The following ZBED4 variants were observed in gnomAD, a reference collection of about 807,000 sequenced individuals.
The protein encoded by ZBED4 is zinc finger BED domain-containing protein 4.
A neutral mutation model predicts 15.5 loss-of-function variants in ZBED4; 4 were observed. The ratio of observed to expected loss-of-function variants is 0.26; its 90% CI spans 0.13 to 0.59. The LOEUF is 0.59. ZBED4 is among the 20% of genes least tolerant of loss of function. The pLI is 0.90. For synonymous variants in ZBED4, 692 were observed against 608.5 expected (o/e 1.14, Z -2.02); for missense variants, 1,323 against 1,461.8 (o/e 0.91, Z 1.55).
rs372675865 is a variant in ZBED4, at chr22:49,860,765, C to T, written c.-330+6776C>T. Among the ~76,000 whole-genome samples, 19 of 150,992 alleles carry T rather than the reference C, an allele frequency of 1.3e-4. No homozygotes were observed. In the East Asian group the frequency reaches 2.9e-3, roughly 23 times the overall value. On this transcript the variant is annotated intron_variant, in intron 1 of 1. Coordinates refer to ENST00000216268, the MANE Select transcript of ZBED4 (RefSeq NM_014838.3). ...AAAGCTACCTTTCTTATCCCCACCA[C>T]TCTTCTAAGCAACCTTTTTTTTTTT...
chr22:49,858,182 G>A (rs1409428390), intron 1 of ZBED4, among the ~76,000 whole-genome samples: 4 of 152,178 alleles, frequency 2.6e-5, no homozygotes, highest in South Asian at 4.1e-4. Context: ...GATTACAGGC[G>A]TGAGCCACCG....
intron 1 of ZBED4, among the ~76,000 whole-genome samples, chr22:49,871,857 C>T (rs1050864066): frequency 6.6e-6 from 1 of 151,356 alleles, no homozygotes; most frequent in Non-Finnish European, 1.5e-5. Flanking sequence ...TGGGTTGAAG[C>T]GATTCTCCTG....
intron 1 of ZBED4, among the ~76,000 whole-genome samples, chr22:49,882,337 C>CA (rs2060413717): frequency 6.6e-6 from 1 of 152,210 alleles, no homozygotes; most frequent in South Asian, 2.1e-4. Context: ...GGAGGGCTCA[C>CA]ACCTGGGAAG....
chr22:49,884,958 G>A lies in ZBED4; in HGVS notation c.1296G>A (p.Gln432=). 2 of 1,611,892 alleles carry A rather than the reference G, an allele frequency of 1.2e-6. No homozygotes were observed. The highest frequency in any genetic ancestry group is 1.7e-6 in the Non-Finnish European group (2 of 1,178,810). The change falls in exon 2 of 2, where the codon CAG becomes CAA. Residue 432 remains glutamine, a synonymous_variant. Coordinates refer to ENST00000216268, the MANE Select transcript of ZBED4 (RefSeq NM_014838.3). ...CGGCGTCCTCTCCTGAGAAGCAGCA[G>A]GCTGATGGGCTGAGTCCTAGATTGT... ...EASASSPEKQ[Q]ADGLSPRLFE...
At chr22:49,877,293 A>G (rs2060382006) in intron 1 of ZBED4, among the ~76,000 whole-genome samples, 1 of 140,962 alleles carries the variant, frequency 7.1e-6, no homozygotes, top group African/African-American at 2.5e-5. Context: ...TTATTTATTT[A>G]TTTATTTATT....
In ZBED4 at chr22:49,884,731, A is replaced by C. The variant is rs756589477; in HGVS notation, c.1069A>C (p.Thr357Pro). ...CCCGCCACTGTACTCCACCCCTCCC[A>C]CTCTGCTGCCTTCCTTGCTGCCGCC... Reference protein sequence around the residue: ...GIPPLYSTPPTLLPSLLPPEG... With the variant: ...GIPPLYSTPPPLLPSLLPPEG... Residue 357 changes from threonine to proline, a missense_variant, in exon 2 of 2, where the codon ACT (threonine) becomes CCT (proline). Coordinates refer to ENST00000216268, the MANE Select transcript of ZBED4 (RefSeq NM_014838.3). 6.9e-6 allele frequency: 11 copies of C among 1,592,974 alleles called. No homozygotes were observed. The Admixed American group carries it at 1.9e-4, about 27-fold the overall frequency.
At chr22:49,867,888 G>A (rs1453856419) in intron 1 of ZBED4, among the ~76,000 whole-genome samples, 1 of 152,176 alleles carries the variant, frequency 6.6e-6, no homozygotes, top group African/African-American at 2.4e-5. Flanking sequence ...ACACTTACAT[G>A]AGCCCACAGT....
At chr22:49,860,948 T>TTTATA in intron 1 of ZBED4, among the ~76,000 whole-genome samples, 1 of 151,024 alleles carries the variant, frequency 6.6e-6, no homozygotes, top group African/African-American at 2.4e-5. Context: ...CCAGCTAATT[T>TTTATA]TTTGTACTTT....
chr22:49,886,518 C>T lies in ZBED4; in HGVS notation c.2856C>T (p.Ser952=), dbSNP rs774127180. The T allele has an allele frequency of 6.4e-7, 1 of 1,568,580 alleles. No individual in the cohort carries two copies. The highest frequency in any genetic ancestry group is 8.6e-7 in the Non-Finnish European group (1 of 1,156,390). The change falls in exon 2 of 2, where the codon TCC becomes TCT. Residue 952 remains serine, a synonymous_variant. Transcript: ENST00000216268. The surrounding 1 kb of genome is among the most constrained non-coding windows in gnomAD (Gnocchi z 7.7). ...GCCGGGAGATGAGCACGCAGATGTCCACCCTCAGCCAGGTCATCCCCATGG... is the reference window on the plus strand; with the variant it reads ...GCCGGGAGATGAGCACGCAGATGTCTACCCTCAGCCAGGTCATCCCCATGG... ...AASREMSTQM[S]TLSQVIPMVH... is the part of the protein sequence containing the mutation.
chr22:49,887,139 T>C lies in ZBED4; in HGVS notation c.3477T>C (p.Phe1159=). Residue 1159 remains phenylalanine (F), a synonymous_variant, in exon 2 of 2, where the codon TTT becomes TTC. Transcript: ENST00000216268. ...LMMEHFEKLI[F]LKVNLPLIYF... is the part of the protein sequence containing the mutation. ...TGGAACATTTTGAAAAACTTATCTT[T>C]TTGAAAGTGAATCTTCCCTTAATAT... 6.2e-7 allele frequency: 1 copy of C among 1,613,378 alleles called. No individual in the cohort carries two copies. Among genetic ancestry groups the C allele is most frequent in the South Asian group, 1.1e-5 (1 of 91,074 alleles).
At chr22:49,876,349 G>C (rs886278525) in intron 1 of ZBED4, among the ~76,000 whole-genome samples, 39 of 151,982 alleles carry the variant, frequency 2.6e-4, no homozygotes, top group Admixed American at 2.5e-3. Context: ...TGTACCTGTT[G>C]GTTACTTATT....
intron 1 of ZBED4, among the ~76,000 whole-genome samples, chr22:49,877,900 C>T (rs1330898143): frequency 6.6e-6 from 1 of 152,172 alleles, no homozygotes; most frequent in Non-Finnish European, 1.5e-5. Context: ...TGCGTGTATC[C>T]ATTCATTCTT....
upstream of ZBED4, chr22:49,853,084 G>C (rs1252194392): frequency 6.6e-6 from 1 of 152,312 alleles, no homozygotes; most frequent in Admixed American, 6.5e-5. Context: ...AGAAAATGCC[G>C]AAAGCCGTGT....
In ZBED4 at chr22:49,886,593, C is replaced by T. The variant is rs1195278770; in HGVS notation, c.2931C>T (p.Gly977=). The T allele has an allele frequency of 3.2e-6, 5 of 1,558,928 alleles. No homozygotes were observed. Among genetic ancestry groups the T allele is most frequent in the Non-Finnish European group, 3.5e-6 (4 of 1,151,444 alleles). Residue 977 remains glycine, a synonymous_variant, in exon 2 of 2, where the codon GGC becomes GGT. Transcript: ENST00000216268. The surrounding 1 kb of genome is among the most constrained non-coding windows in gnomAD (Gnocchi z 7.7). ...KVEMLFEETM[G]IDTMLRSLKE... ...AGATGCTCTTCGAGGAGACGATGGG[C>T]ATCGACACCATGCTGCGCTCTCTGA...
At position 49,886,485 on chromosome 22, in the gene ZBED4, G is replaced by A; in HGVS notation, c.2823G>A (p.Glu941=). Residue 941 remains glutamate (E), a synonymous_variant, in exon 2 of 2, where the codon GAG becomes GAA. Coordinates refer to ENST00000216268, the MANE Select transcript of ZBED4 (RefSeq NM_014838.3). This position sits in a 1 kb window ranked among gnomAD's most constrained non-coding sequence, Gnocchi z 7.7. The stretch of plus-strand genomic sequence containing the variant: ...TGTGCCGTGCGCTAAAGCCCTTCGA[G>A]GCTGCGAGCCGGGAGATGAGCACGC... ...QSVCRALKPF[E]AASREMSTQM... 1 of 1,569,424 alleles carries A rather than the reference G, an allele frequency of 6.4e-7. No homozygotes were observed. Among genetic ancestry groups the A allele is most frequent in the Non-Finnish European group, 8.7e-7 (1 of 1,156,022 alleles).
In ZBED4 at chr22:49,885,820, C is replaced by T. The variant is rs1170691920; in HGVS notation, c.2158C>T (p.Leu720Phe). The part of the protein sequence containing the change: ...DNVKQIIMSH[L>F]KEAESGVIHF... Reference sequence around the variant, plus strand: ...TGTGAAGCAGATAATTATGTCCCACCTTAAGGAAGCTGAGAGTGGTGTGAT... The same window carrying T: ...TGTGAAGCAGATAATTATGTCCCACTTTAAGGAAGCTGAGAGTGGTGTGAT... The change falls in exon 2 of 2, where the codon CTT becomes TTT. Residue 720 changes from leucine (L) to phenylalanine (F), a missense_variant. Around this residue, in one of 6 missense-constraint regions of ZBED4, gnomAD observed 89 missense variants for 129.8 expected, o/e 0.69. Transcript: ENST00000216268. 6.4e-7 allele frequency: 1 copy of T among 1,572,440 alleles called. No individual in the cohort carries two copies. The highest frequency in any genetic ancestry group is 8.8e-7 in the Non-Finnish European group (1 of 1,142,610).
Position 49,887,171 on chromosome 22 carries a change from A to G in ZBED4, c.3509A>G (p.Gln1170Arg). 6.2e-7 allele frequency: 1 copy of G among 1,609,138 alleles called. No individual in the cohort carries two copies. The highest frequency in any genetic ancestry group is 1.7e-4 in the Middle Eastern group (1 of 6,024). Residue 1170 changes from glutamine to arginine, a missense_variant, in exon 2 of 2, where the codon CAG (glutamine) becomes CGG (arginine). By Grantham distance (43) the Gln-to-Arg change is conservative. Around this residue, in one of 6 missense-constraint regions of ZBED4, gnomAD observed 312 missense variants for 410.7 expected, o/e 0.76. Coordinates refer to ENST00000216268, the MANE Select transcript of ZBED4 (RefSeq NM_014838.3). ...LKVNLPLIYF[Q>R]Y Reference sequence around the variant, plus strand: ...GTGAATCTTCCCTTAATATACTTTCAGTATTGAAACTCACGACGGCACCAC... The same window carrying G: ...GTGAATCTTCCCTTAATATACTTTCGGTATTGAAACTCACGACGGCACCAC...
chr22:49,862,649 G>A (rs1419191340), intron 1 of ZBED4, among the ~76,000 whole-genome samples: 2 of 110,276 alleles, frequency 1.8e-5, no homozygotes, highest in East Asian at 5.7e-4. Context: ...ATTCTTTGTT[G>A]TTTTGACTGA....
rs562995150 is a variant in ZBED4, at chr22:49,871,704, A to T, written c.-329-11630A>T. On this transcript the variant is annotated intron_variant, in intron 1 of 1. Coordinates refer to ENST00000216268, the MANE Select transcript of ZBED4 (RefSeq NM_014838.3). Reference sequence around the variant, plus strand: ...TCAGAGTGCAGATTGCTGACCAATCAGAGTGCAGATTGCTGAAGGGTGGGG... The same window carrying T: ...TCAGAGTGCAGATTGCTGACCAATCTGAGTGCAGATTGCTGAAGGGTGGGG... Among the ~76,000 whole-genome samples the T allele has an allele frequency of 3.3e-5, 5 of 151,914 alleles. No homozygotes were observed. In the South Asian group the frequency reaches 1.0e-3, roughly 32 times the overall value.
Sources: gnomAD v4.1 joint callset for allele counts (sites outside exome capture counted in the v4.1 genomes callset) on GRCh38, gnomAD v4.1.1 for gene constraint, gnomAD v4.1.1 regional missense constraint, Gnocchi (gnomAD v3.1) non-coding constraint, MANE v1.5 for transcripts, NCBI Gene and HGNC (gene_info 2026-07-23, HGNC 2026-07-21) for gene names.